EDN1: variants seen among roughly 807,000 people sequenced by gnomAD.
EDN1 encodes endothelin-1.
A neutral mutation model predicts 21.7 loss-of-function variants in EDN1; 11 were observed. That is an observed-to-expected ratio of 0.51 (90% confidence interval 0.32 to 0.84). The LOEUF (loss-of-function observed/expected upper bound fraction) is 0.84, where lower values mean the gene tolerates loss of function less well. Among genes scored for constraint, EDN1 ranks in the 40% least tolerant of loss-of-function variants. The pLI is 0.03. For synonymous variants in EDN1, 85 were observed against 90.6 expected (o/e 0.94, Z 0.35); for missense variants, 244 against 262.3 (o/e 0.93, Z 0.48).
chr6:12,288,189 A>G (rs2859337), upstream of EDN1, among the ~76,000 whole-genome samples: 117,048 of 151,412 alleles, frequency 0.77, 45,321 homozygotes, highest in East Asian at 0.83. Flanking sequence ...GGGCCTTGAG[A>G]ACATGTTGGT....
chr6:12,276,806 G>A, the EDN1 span, among the ~76,000 whole-genome samples: 1 of 152,186 alleles, frequency 6.6e-6, no homozygotes, highest in South Asian at 2.1e-4. Context: ...TGGGAGGCAG[G>A]GCCATTTTGA....
the EDN1 span, among the ~76,000 whole-genome samples, chr6:12,254,567 A>G: frequency 6.6e-6 from 1 of 152,330 alleles, no homozygotes; most frequent in South Asian, 2.1e-4. Context: ...TTTTAATATT[A>G]AATGAGAAAT....
At chr6:12,271,516 A>G in the EDN1 span, among the ~76,000 whole-genome samples, 3 of 152,114 alleles carry the variant, frequency 2.0e-5, no homozygotes, top group African/African-American at 7.2e-5. Flanking sequence ...ATCTTTTTAT[A>G]TTGTGTGTTC....
chr6:12,243,799 C>A, the EDN1 span, among the ~76,000 whole-genome samples: 4 of 152,100 alleles, frequency 2.6e-5, no homozygotes, highest in East Asian at 7.7e-4. Context: ...CATAGTGATT[C>A]GAATTTAATT....
the EDN1 span, among the ~76,000 whole-genome samples, chr6:12,279,948 TA>T: frequency 7.9e-5 from 12 of 152,136 alleles, no homozygotes; most frequent in African/African-American, 2.9e-4. Context: ...AGTATAACTA[TA>T]AGCAATCAAA....
the EDN1 span, among the ~76,000 whole-genome samples, chr6:12,261,176 A>C: frequency 5.9e-5 from 9 of 152,318 alleles, no homozygotes; most frequent in African/African-American, 2.2e-4. Flanking sequence ...TAGATTCATT[A>C]AAATTCATTG....
chr6:12,247,342 G>A, the EDN1 span, among the ~76,000 whole-genome samples: 1 of 152,114 alleles, frequency 6.6e-6, no homozygotes, highest in East Asian at 1.9e-4. Flanking sequence ...TCTTATAAAT[G>A]AGTAACATGT....
At chr6:12,271,039 C>T in the EDN1 span, among the ~76,000 whole-genome samples, 1 of 152,124 alleles carries the variant, frequency 6.6e-6, no homozygotes, top group Non-Finnish European at 1.5e-5. Context: ...ATATGAGCTT[C>T]CATCCTTTCA....
chr6:12,270,315 C>G, the EDN1 span, among the ~76,000 whole-genome samples: 1 of 151,502 alleles, frequency 6.6e-6, no homozygotes, highest in Admixed American at 6.6e-5. Context: ...TCCCTTCTAC[C>G]AATTTTGGCT....
the EDN1 span, among the ~76,000 whole-genome samples, chr6:12,277,741 C>G: frequency 6.6e-6 from 1 of 152,302 alleles, no homozygotes; most frequent in South Asian, 2.1e-4. Flanking sequence ...GTTGGAGACC[C>G]TGGAAGACAA....
the EDN1 span, among the ~76,000 whole-genome samples, chr6:12,247,275 AC>A: frequency 6.6e-6 from 1 of 152,060 alleles, no homozygotes; most frequent in Non-Finnish European, 1.5e-5. Context: ...CGCTAAGTGA[AC>A]CTTGGTGTGT....
At chr6:12,245,837 AG>A in the EDN1 span, among the ~76,000 whole-genome samples, 2 of 151,686 alleles carry the variant, frequency 1.3e-5, no homozygotes, top group Non-Finnish European at 2.9e-5. Context: ...GTGGGTGGGG[AG>A]GGACAATCAG....
chr6:12,258,448 T>TAAAAAAAAAAAAA, the EDN1 span, among the ~76,000 whole-genome samples: 7 of 27,716 alleles, frequency 2.5e-4, no homozygotes, highest in East Asian at 9.2e-4. Context: ...AGATCATGTC[T>TAAAAAAAAAAAAA]CAAAAAAAAA....
At chr6:12,265,332 T>A in the EDN1 span, among the ~76,000 whole-genome samples, 1 of 152,228 alleles carries the variant, frequency 6.6e-6, no homozygotes, top group Non-Finnish European at 1.5e-5. Context: ...AATTCATTTG[T>A]TGAAGGGTTA....
At chr6:12,293,287 TAAGGTGATACTTCCA>T (rs1033706481) in intron 2 of EDN1, among the ~76,000 whole-genome samples, 36 of 152,320 alleles carry the variant, frequency 2.4e-4, no homozygotes, top group African/African-American at 8.7e-4. Context: ...TAATAATTAC[TAAGGTGATACTTCCA>T]AAGGGAGGAC....
chr6:12,274,031 T>C, the EDN1 span, among the ~76,000 whole-genome samples: 6 of 152,328 alleles, frequency 3.9e-5, no homozygotes, highest in Admixed American at 3.9e-4. Flanking sequence ...AAATTTCATC[T>C]GTTATCTTCA....
At chr6:12,239,499 G>A in the EDN1 span, among the ~76,000 whole-genome samples, 2 of 152,180 alleles carry the variant, frequency 1.3e-5, no homozygotes, top group South Asian at 2.1e-4. Flanking sequence ...TCTTTTAGGG[G>A]TAGGGGTAGG....
the EDN1 span, among the ~76,000 whole-genome samples, chr6:12,284,634 G>C: frequency 6.9e-6 from 1 of 144,520 alleles, no homozygotes; most frequent in Non-Finnish European, 1.5e-5. Flanking sequence ...AGAAAGAAAG[G>C]AAAGAAAGAA....
At chr6:12,272,316 G>T in the EDN1 span, among the ~76,000 whole-genome samples, 2 of 152,104 alleles carry the variant, frequency 1.3e-5, no homozygotes, top group African/African-American at 4.8e-5. Context: ...AGGCAGAGAA[G>T]CTGGAATTTG....
Sources: gnomAD v4.1 joint callset for allele counts (sites outside exome capture counted in the v4.1 genomes callset) on GRCh38, gnomAD v4.1.1 for gene constraint, MANE v1.5 for transcripts, NCBI Gene and HGNC (gene_info 2026-07-23, HGNC 2026-07-21) for gene names.